The following EDIL3 variants were observed in gnomAD, a reference collection of about 807,000 sequenced individuals.
The protein encoded by EDIL3 is EGF-like repeat and discoidin I-like domain-containing protein 3.
Under a neutral mutation model 67.4 loss-of-function variants are expected in EDIL3, and 37 were observed. The observed-to-expected ratio is 0.55, with a 90% CI of 0.42 to 0.72. The LOEUF (loss-of-function observed/expected upper bound fraction) is 0.72. Ranked by LOEUF, EDIL3 falls within the 30% of genes least tolerant of loss-of-function variation. The pLI, the probability that EDIL3 is intolerant of heterozygous loss-of-function variation, is 0.00. For missense variants in EDIL3, 527 were observed against 586.3 expected (o/e 0.90, Z 1.04); for synonymous variants, 195 against 196.3 (o/e 0.99, Z 0.05).
chr5:84,008,156 A>G (rs1303998699), intron 9 of EDIL3, among the ~76,000 whole-genome samples: 5 of 152,072 alleles, frequency 3.3e-5, no homozygotes. Flanking sequence ...TTGCAGGAGT[A>G]AAGTGAGGAT....
At chr5:84,102,222 C>G (rs1278386893) in intron 6 of EDIL3, among the ~76,000 whole-genome samples, 1 of 152,012 alleles carries the variant, frequency 6.6e-6, no homozygotes, top group East Asian at 1.9e-4. Flanking sequence ...ACTAAATGAG[C>G]AAAAGATGGA....
intron 3 of EDIL3, among the ~76,000 whole-genome samples, chr5:84,207,299 A>G (rs1175884976): frequency 2.6e-5 from 4 of 152,130 alleles, no homozygotes; most frequent in Non-Finnish European, 4.4e-5. Context: ...ATTCACAATT[A>G]CTTCAAAGAG....
intron 9 of EDIL3, among the ~76,000 whole-genome samples, chr5:84,017,112 A>G (rs1228902603): frequency 1.3e-5 from 2 of 152,242 alleles, no homozygotes; most frequent in Non-Finnish European, 2.9e-5. Context: ...AGATCAATGC[A>G]GAAAGTGCTT....
At chr5:84,356,003 T>C (rs60068901) in intron 1 of EDIL3, among the ~76,000 whole-genome samples, 4,412 of 150,264 alleles carry the variant, frequency 0.029, 203 homozygotes, top group African/African-American at 0.1. Flanking sequence ...TATGGATCTC[T>C]ATTTTAAAAA....
intron 9 of EDIL3, among the ~76,000 whole-genome samples, chr5:83,983,055 T>G (rs4304064): frequency 0.097 from 14,791 of 152,202 alleles, 1,024 homozygotes; most frequent in East Asian, 0.29. Context: ...TTTTTGTAAC[T>G]TATTTGCTCG....
chr5:84,170,085 G>A (rs904904046), intron 4 of EDIL3, among the ~76,000 whole-genome samples: 3 of 152,200 alleles, frequency 2.0e-5, no homozygotes, highest in Non-Finnish European at 2.9e-5. Context: ...TGTTGTATAA[G>A]TGAGCTTCAG....
chr5:84,298,300 A>T (rs558814936), intron 1 of EDIL3, among the ~76,000 whole-genome samples: 3 of 152,326 alleles, frequency 2.0e-5, no homozygotes, highest in African/African-American at 7.2e-5. Flanking sequence ...CTATGCAGCC[A>T]TAAAAAGGAA....
chr5:84,200,302 A>C (rs1056899205), intron 3 of EDIL3, among the ~76,000 whole-genome samples: 2 of 152,052 alleles, frequency 1.3e-5, no homozygotes, highest in African/African-American at 4.8e-5. Flanking sequence ...AATCTGTCTA[A>C]TGAGTTTAAA....
chr5:84,008,719 T>C (rs998771439), intron 9 of EDIL3, among the ~76,000 whole-genome samples: 3 of 151,812 alleles, frequency 2.0e-5, no homozygotes, highest in African/African-American at 4.8e-5. Flanking sequence ...GAGTAGGAGG[T>C]GGGAGGAAGG....
intron 6 of EDIL3, among the ~76,000 whole-genome samples, chr5:84,086,509 G>A (rs1747075020): frequency 6.6e-6 from 1 of 152,088 alleles, no homozygotes. Flanking sequence ...CCAGTGAGAT[G>A]AACTGGGTAC....
chr5:84,234,920 A>T lies in EDIL3; in HGVS notation c.197-5036T>A, dbSNP rs141181070. 2.0e-5 allele frequency among the ~76,000 whole-genome samples: 3 copies of T among 152,218 alleles called. No homozygotes were observed. The East Asian group carries it at 5.8e-4, about 29-fold the overall frequency. On this transcript the variant is annotated intron_variant, in intron 2 of 10. Transcript: ENST00000296591. ...CAGTGATGCAAAAATAGCAATCATGATATTTATGCTTGATTATTTATGCCT... is the reference window on the plus strand; with the variant it reads ...CAGTGATGCAAAAATAGCAATCATGTTATTTATGCTTGATTATTTATGCCT...
chr5:84,234,632 C>T (rs967379369), intron 2 of EDIL3, among the ~76,000 whole-genome samples: 1 of 152,128 alleles, frequency 6.6e-6, no homozygotes, highest in Non-Finnish European at 1.5e-5. Flanking sequence ...AACAATTTTA[C>T]ACCCAGTGTG....
At chr5:84,087,059 T>A (rs1350835000) in intron 6 of EDIL3, among the ~76,000 whole-genome samples, 3 of 152,186 alleles carry the variant, frequency 2.0e-5, no homozygotes, top group African/African-American at 7.2e-5. Context: ...GTTGGCCACA[T>A]CTATTGTTGG....
At chr5:83,998,033 A>T (rs1464690544) in intron 9 of EDIL3, among the ~76,000 whole-genome samples, 1 of 152,100 alleles carries the variant, frequency 6.6e-6, no homozygotes, top group African/African-American at 2.4e-5. Flanking sequence ...CTGGGATCCT[A>T]AAAAAACTTG....
intron 1 of EDIL3, among the ~76,000 whole-genome samples, chr5:84,340,545 T>G (rs868011102): frequency 6.0e-5 from 5 of 83,676 alleles, no homozygotes; most frequent in Middle Eastern, 0.013. Flanking sequence ...TATATATATA[T>G]ATATATATAT....
intron 9 of EDIL3, among the ~76,000 whole-genome samples, chr5:84,008,795 T>TTTTTG (rs566432080): frequency 2.4e-3 from 359 of 151,990 alleles, no homozygotes; most frequent in South Asian, 4.4e-3. Context: ...ATCTTAAGGA[T>TTTTTG]TTTTGTTTTG....
chr5:84,112,181 C>A (rs927537217), intron 5 of EDIL3, among the ~76,000 whole-genome samples: 6 of 152,044 alleles, frequency 3.9e-5, no homozygotes, highest in Non-Finnish European at 8.8e-5. Flanking sequence ...GACTCTATGG[C>A]CACATTTTCA....
chr5:84,087,398 C>T (rs1025017721), intron 6 of EDIL3, among the ~76,000 whole-genome samples: 3 of 152,192 alleles, frequency 2.0e-5, no homozygotes, highest in Admixed American at 6.5e-5. Flanking sequence ...CTTGAACATC[C>T]TCTTCCTTCA....
intron 9 of EDIL3, among the ~76,000 whole-genome samples, chr5:84,059,521 G>A (rs1746505732): frequency 6.6e-6 from 1 of 152,114 alleles, no homozygotes; most frequent in African/African-American, 2.4e-5. Context: ...GGTGGAATTT[G>A]CTATTTTAAA....
Sources: gnomAD v4.1 joint callset for allele counts (sites outside exome capture counted in the v4.1 genomes callset) on GRCh38, gnomAD v4.1.1 for gene constraint, MANE v1.5 for transcripts, NCBI Gene and HGNC (gene_info 2026-07-23, HGNC 2026-07-21) for gene names.